The following DENND1A variants were observed in gnomAD, a reference collection of about 807,000 sequenced individuals.
The protein encoded by DENND1A is DENN domain-containing protein 1A.
DENND1A carries 51 observed loss-of-function variants against 113.7 expected under a neutral mutation model. That is an observed-to-expected ratio of 0.45 (90% confidence interval 0.36 to 0.57). The LOEUF is 0.57. Among genes scored for constraint, DENND1A ranks in the 20% least tolerant of loss-of-function variants. DENND1A has a pLI of 0.00. For missense variants in DENND1A, 1,258 were observed against 1,395.9 expected, an observed-to-expected ratio of 0.90 and a Z score of 1.57; for synonymous variants, 565 against 570.8, an observed-to-expected ratio of 0.99 and a Z score of 0.14.
intron 8 of DENND1A, among the ~76,000 whole-genome samples, chr9:123,660,948 T>C (rs952679670): frequency 2.6e-4 from 40 of 152,228 alleles, no homozygotes; most frequent in Non-Finnish European, 1.2e-4. Context: ...TACCATCATA[T>C]AGTGAGTAGA....
At chr9:123,928,848 T>C (rs1332130499) in intron 1 of DENND1A, 3 of 985,352 alleles carry the variant, frequency 3.0e-6, no homozygotes, top group Non-Finnish European at 3.6e-6. Flanking sequence ...TTCCACAAAC[T>C]TTCTTGTAAG....
chr9:123,538,758 G>C (rs1259574194), intron 13 of DENND1A, among the ~76,000 whole-genome samples: 2 of 109,904 alleles, frequency 1.8e-5, no homozygotes, highest in Non-Finnish European at 3.6e-5. Context: ...GAGTGTGTGT[G>C]TGTGTGTGTG....
intron 22 of DENND1A, 45 bp downstream of exon 22, chr9:123,387,685 A>G (rs1452938806): frequency 1.6e-6 from 2 of 1,285,242 alleles, no homozygotes; most frequent in East Asian, 5.6e-5. Flanking sequence ...AGCCCCGCAG[A>G]GTCACCAAGC....
At chr9:123,390,590 C>G (rs1386698719) in intron 21 of DENND1A, among the ~76,000 whole-genome samples, 1 of 152,276 alleles carries the variant, frequency 6.6e-6, no homozygotes, top group Admixed American at 6.5e-5. Context: ...ACCCATCCAT[C>G]TGTCCATCTG....
intron 2 of DENND1A, among the ~76,000 whole-genome samples, chr9:123,854,794 T>G (rs1843910545): frequency 6.6e-6 from 1 of 151,104 alleles, no homozygotes; most frequent in Non-Finnish European, 1.5e-5. Flanking sequence ...ATGAAGTTTC[T>G]CTCTCCTCTT....
At chr9:123,761,983 C>A (rs897373108) in intron 4 of DENND1A, among the ~76,000 whole-genome samples, 1 of 152,168 alleles carries the variant, frequency 6.6e-6, no homozygotes, top group Non-Finnish European at 1.5e-5. Context: ...CCATCTCACC[C>A]AATTCTCATG....
At chr9:123,577,277 AT>A (rs1051655702) in intron 12 of DENND1A, among the ~76,000 whole-genome samples, 3 of 150,584 alleles carry the variant, frequency 2.0e-5, no homozygotes, top group African/African-American at 2.4e-5. Flanking sequence ...CCCATAAGTG[AT>A]TTTTTTTTCA....
intron 2 of DENND1A, among the ~76,000 whole-genome samples, chr9:123,850,339 C>A (rs1004548468): frequency 2.2e-4 from 33 of 152,216 alleles, no homozygotes; most frequent in African/African-American, 7.7e-4. Context: ...CGTTTGCGAT[C>A]AAAAAGATTA....
rs1440564962 is a variant in DENND1A at position 123,478,091 on chromosome 9, G to T, written c.994-20194C>A. Among the ~76,000 whole-genome samples the T allele has an allele frequency of 2.0e-5, 3 of 152,290 alleles. No individual in the cohort carries two copies. In the East Asian group the frequency reaches 5.8e-4, roughly 29 times the overall value. The stretch of plus-strand genomic sequence containing the variant: ...CTGAGTTTCTAGAACCTGGATTTAT[G>T]ATCTCCTAATCCCCGTGTCCCTTCT... On this transcript the variant is annotated intron_variant, in intron 13 of 23. Transcript: ENST00000394215.
At chr9:123,589,828 G>A (rs1589258777) in intron 11 of DENND1A, among the ~76,000 whole-genome samples, 2 of 152,150 alleles carry the variant, frequency 1.3e-5, no homozygotes, top group South Asian at 4.1e-4. Flanking sequence ...TTCAGGCCAG[G>A]GAAGGGAAAA....
chr9:123,706,639 C>T (rs1413344074), intron 5 of DENND1A, among the ~76,000 whole-genome samples: 4 of 151,418 alleles, frequency 2.6e-5, no homozygotes, highest in Admixed American at 6.6e-5. Context: ...GGCGTGGTGG[C>T]GGGCGCCTGT....
chr9:123,538,776 GTGT>G (rs2056010274), intron 13 of DENND1A, among the ~76,000 whole-genome samples: 1 of 130,070 alleles, frequency 7.7e-6, no homozygotes. Flanking sequence ...GTGTGTGTGT[GTGT>G]GTGTATGAAT....
intron 3 of DENND1A, among the ~76,000 whole-genome samples, chr9:123,773,125 A>G (rs999706118): frequency 1.3e-5 from 2 of 152,222 alleles, no homozygotes; most frequent in Non-Finnish European, 2.9e-5. Flanking sequence ...AGGAAGAAAT[A>G]AGAGCAGAGG....
chr9:123,483,361 C>T (rs976264398), intron 13 of DENND1A, among the ~76,000 whole-genome samples: 8 of 152,218 alleles, frequency 5.3e-5, no homozygotes, highest in African/African-American at 1.7e-4. Context: ...GCCATGCCGC[C>T]GCTGCTGCTC....
chr9:123,411,133 A>G (rs1180230582), intron 20 of DENND1A, among the ~76,000 whole-genome samples: 2 of 146,818 alleles, frequency 1.4e-5, no homozygotes, highest in Non-Finnish European at 1.5e-5. Flanking sequence ...TTGCTCTGTC[A>G]CCCAGGCTGG....
intron 19 of DENND1A, among the ~76,000 whole-genome samples, chr9:123,417,804 C>T (rs1343608147): frequency 6.6e-6 from 1 of 151,992 alleles, no homozygotes; most frequent in Non-Finnish European, 1.5e-5. Context: ...GCATCCCAGG[C>T]ACAGGGGCAC....
At chr9:123,539,523 G>A (rs565040731) in intron 13 of DENND1A, among the ~76,000 whole-genome samples, 1 of 152,204 alleles carries the variant, frequency 6.6e-6, no homozygotes, top group African/African-American at 2.4e-5. Context: ...ATGAAATCAA[G>A]ATAGTGGTTA....
intron 13 of DENND1A, among the ~76,000 whole-genome samples, chr9:123,525,060 G>C (rs998343110): frequency 6.6e-6 from 1 of 152,190 alleles, no homozygotes; most frequent in Non-Finnish European, 1.5e-5. Flanking sequence ...ACTACCTTGG[G>C]AAACAGGCAT....
At chr9:123,518,292 T>C (rs1036491030) in intron 13 of DENND1A, among the ~76,000 whole-genome samples, 2 of 152,180 alleles carry the variant, frequency 1.3e-5, no homozygotes, top group Non-Finnish European at 2.9e-5. Flanking sequence ...GATAACCCCA[T>C]ATAAAGAAGG....
Sources: gnomAD v4.1 joint callset for allele counts (sites outside exome capture counted in the v4.1 genomes callset) on GRCh38, gnomAD v4.1.1 for gene constraint, MANE v1.5 for transcripts, NCBI Gene and HGNC (gene_info 2026-07-23, HGNC 2026-07-21) for gene names.